The following GRID2 variants were observed in gnomAD, a reference collection of about 807,000 sequenced individuals.
GRID2 encodes the protein glutamate ionotropic receptor delta type subunit 2.
In GRID2, 33 loss-of-function variants were observed where a neutral mutation model predicts 114.8. The observed-to-expected ratio is 0.29, with a 90% confidence interval of 0.22 to 0.38. The LOEUF (loss-of-function observed/expected upper bound fraction) is 0.38, where lower values mean the gene tolerates loss of function less well. Among genes scored for constraint, GRID2 ranks in the 10% least tolerant of loss-of-function variants. The probability of loss-of-function intolerance (pLI) is 1.00; values close to 1 mark genes in which losing one functional copy is unlikely to be tolerated. For missense variants in GRID2, 1,184 were observed against 1,257.7 expected, an observed-to-expected ratio of 0.94 and a Z score of 0.89; for synonymous variants, 505 against 449.9, an observed-to-expected ratio of 1.12 and a Z score of -1.55.
intron 8 of GRID2, among the ~76,000 whole-genome samples, chr4:93,310,375 C>A (rs1261612374): frequency 6.6e-6 from 1 of 151,934 alleles, no homozygotes; most frequent in African/African-American, 2.4e-5. Context: ...AACACACACA[C>A]AAAAAGTTAA....
At chr4:93,214,013 T>C (rs1406227629) in intron 5 of GRID2, among the ~76,000 whole-genome samples, 1 of 152,094 alleles carries the variant, frequency 6.6e-6, no homozygotes, top group Non-Finnish European at 1.5e-5. Context: ...TAATCATTTG[T>C]TATTGCAATG....
chr4:93,417,223 C>A (rs1207992556), intron 9 of GRID2, among the ~76,000 whole-genome samples: 1 of 152,020 alleles, frequency 6.6e-6, no homozygotes, highest in Non-Finnish European at 1.5e-5. Flanking sequence ...GTCATCTGGG[C>A]TGTTGCAAAG....
chr4:92,923,627 A>G lies in GRID2; in HGVS notation c.245-161368A>G, dbSNP rs1043110599. Among the ~76,000 whole-genome samples, 4 of 152,202 alleles carry G rather than the reference A, an allele frequency of 2.6e-5. No individual in the cohort carries two copies. The East Asian group carries it at 7.7e-4, about 29-fold the overall frequency. The stretch of plus-strand genomic sequence containing the variant: ...AAATGACAAAAATATACCAGGAAAG[A>G]TAAACTGCGACGTAACTGGGGAGTA... On this transcript the variant is annotated intron_variant, in intron 2 of 15. Transcript: ENST00000282020.
intron 1 of GRID2, among the ~76,000 whole-genome samples, chr4:92,461,169 G>A (rs1721475343): frequency 6.6e-6 from 1 of 151,470 alleles, no homozygotes; most frequent in Non-Finnish European, 1.5e-5. Context: ...ATTTTATCAG[G>A]TATACTTATG....
At chr4:92,417,849 G>T (rs1731696239) in intron 1 of GRID2, among the ~76,000 whole-genome samples, 1 of 152,078 alleles carries the variant, frequency 6.6e-6, no homozygotes, top group Non-Finnish European at 1.5e-5. Context: ...TGTTCTCGTG[G>T]TAGTGAATAA....
At position 93,422,814 on chromosome 4, in the gene GRID2, C is replaced by T. The variant is rs774894054; in HGVS notation, c.1391C>T (p.Pro464Leu). The T allele has an allele frequency of 6.2e-6, 10 of 1,613,416 alleles. No homozygotes were observed. The highest frequency in any genetic ancestry group is 2.2e-5 in the East Asian group (1 of 44,838). The change falls in exon 10 of 16, where the codon CCG becomes CTG. Residue 464 changes from proline to leucine, a missense_variant. Around this residue, in one of 3 missense-constraint regions of GRID2, gnomAD observed 717 missense variants for 796.9 expected, o/e 0.90. Transcript: ENST00000282020. ...GTCTCTGAAAATGTCTTGGGTAAGCCGAAGAAATACCAGGGCTTCTCCATT... is the reference window on the plus strand; with the variant it reads ...GTCTCTGAAAATGTCTTGGGTAAGCTGAAGAAATACCAGGGCTTCTCCATT... ...VMVSENVLGK[P>L]KKYQGFSIDV... is the part of the protein sequence containing the mutation.
intron 4 of GRID2, among the ~76,000 whole-genome samples, chr4:93,153,113 G>A (rs552276666): frequency 6.6e-6 from 1 of 152,030 alleles, no homozygotes; most frequent in Non-Finnish European, 1.5e-5. Flanking sequence ...ATTTAGATAG[G>A]TGGAAATCAA....
intron 2 of GRID2, among the ~76,000 whole-genome samples, chr4:92,711,653 A>C (rs911249424): frequency 6.6e-6 from 1 of 152,198 alleles, no homozygotes; most frequent in African/African-American, 2.4e-5. Context: ...CTGTAATCCA[A>C]GCACTTTGGG....
chr4:92,332,059 T>C (rs1726918171), intron 1 of GRID2, among the ~76,000 whole-genome samples: 1 of 152,206 alleles, frequency 6.6e-6, no homozygotes, highest in Non-Finnish European at 1.5e-5. Context: ...TCAGAAATTA[T>C]GCTTGAAGCT....
chr4:93,310,779 G>A (rs1297353821), intron 8 of GRID2, among the ~76,000 whole-genome samples: 1 of 152,186 alleles, frequency 6.6e-6, no homozygotes, highest in Non-Finnish European at 1.5e-5. Context: ...TGGGGTCTGG[G>A]ATCCAGGAGT....
chr4:92,371,395 T>G (rs1026409152), intron 1 of GRID2, among the ~76,000 whole-genome samples: 1 of 152,156 alleles, frequency 6.6e-6, no homozygotes. Context: ...CTGACTCTCA[T>G]GTTAGGGGCA....
At chr4:92,953,585 C>T (rs758308471) in intron 2 of GRID2, among the ~76,000 whole-genome samples, 8 of 152,020 alleles carry the variant, frequency 5.3e-5, no homozygotes, top group Non-Finnish European at 8.8e-5. Flanking sequence ...TTATGTGATT[C>T]ATTTTATTGC....
intron 4 of GRID2, among the ~76,000 whole-genome samples, chr4:93,135,207 T>C (rs1735137024): frequency 6.6e-6 from 1 of 152,174 alleles, no homozygotes; most frequent in South Asian, 2.1e-4. Flanking sequence ...AAACAACTGC[T>C]TTTAATATTC....
At chr4:92,773,942 G>T (rs1738660988) in intron 2 of GRID2, among the ~76,000 whole-genome samples, 1 of 152,034 alleles carries the variant, frequency 6.6e-6, no homozygotes, top group Non-Finnish European at 1.5e-5. Flanking sequence ...CATTCCATAT[G>T]CTTTTAAGTG....
intron 1 of GRID2, among the ~76,000 whole-genome samples, chr4:93,801,232 G>T (rs1160431307): frequency 3.3e-5 from 5 of 152,006 alleles, no homozygotes; most frequent in Non-Finnish European, 7.4e-5. Context: ...TTCTAGTTAA[G>T]TTTCCCTTTT....
chr4:93,234,360 C>A (rs972740596), intron 7 of GRID2, among the ~76,000 whole-genome samples: 4 of 151,800 alleles, frequency 2.6e-5, no homozygotes, highest in African/African-American at 7.3e-5. Flanking sequence ...TTTACATAGT[C>A]CAAAGGAAAA....
chr4:93,552,017 C>T (rs919479083), intron 13 of GRID2, among the ~76,000 whole-genome samples: 1 of 148,720 alleles, frequency 6.7e-6, no homozygotes, highest in Non-Finnish European at 1.5e-5. Flanking sequence ...TCTCCTAATG[C>T]TATCCCTCCC....
intron 8 of GRID2, among the ~76,000 whole-genome samples, chr4:93,355,613 C>T (rs1296698603): frequency 3.3e-5 from 5 of 151,962 alleles, no homozygotes; most frequent in African/African-American, 4.8e-5. Context: ...TTGTGATTCA[C>T]GAACTGGAAA....
chr4:93,161,434 C>T (rs1503210), intron 4 of GRID2, among the ~76,000 whole-genome samples: 83,693 of 151,584 alleles, frequency 0.55, 24,308 homozygotes, highest in African/African-American at 0.71. Flanking sequence ...TAGGAAAGGC[C>T]TTAATTAATA....
Sources: gnomAD v4.1 joint callset for allele counts (sites outside exome capture counted in the v4.1 genomes callset) on GRCh38, gnomAD v4.1.1 for gene constraint, gnomAD v4.1.1 regional missense constraint, MANE v1.5 for transcripts, NCBI Gene and HGNC (gene_info 2026-07-23, HGNC 2026-07-21) for gene names.